Variants in IPO11 observed in about 807,000 individuals in gnomAD.
IPO11 encodes the protein importin-11.
A neutral mutation model predicts 143.2 loss-of-function variants in IPO11; 66 were observed. That is an observed-to-expected ratio of 0.46 (90% confidence interval 0.38 to 0.57). The LOEUF is 0.57. Ranked by LOEUF, IPO11 falls within the 20% of genes least tolerant of loss-of-function variation. The pLI, the probability that IPO11 is intolerant of heterozygous loss-of-function variation, is 0.00. For synonymous variants in IPO11, 385 were observed against 377.8 expected (o/e 1.02, Z -0.22); for missense variants, 1,026 against 1,141.0 (o/e 0.90, Z 1.45).
At chr5:62,436,751 A>G (rs1393317729) in intron 1 of IPO11, among the ~76,000 whole-genome samples, 1 of 152,148 alleles carries the variant, frequency 6.6e-6, no homozygotes. Flanking sequence ...TGATTTGGAG[A>G]TGCACCATTG....
Position 62,563,305 on chromosome 5 carries a change from G to A in IPO11, c.2582+2048G>A, listed in dbSNP as rs145594257. Among the ~76,000 whole-genome samples, 5 of 152,010 alleles carry A rather than the reference G, an allele frequency of 3.3e-5. No individual in the cohort carries two copies. The East Asian group carries it at 5.8e-4, about 18-fold the overall frequency. On this transcript the variant is annotated intron_variant, in intron 27 of 29. Transcript: ENST00000325324. ...TGCTTGTTAGATAAATTAATGAATG[G>A]AAAAAAATGAGTTAATAAGACATGT... is the stretch of plus-strand genomic sequence containing the variant.
chr5:62,625,082 A>G (rs1248261822), intron 29 of IPO11, among the ~76,000 whole-genome samples: 2 of 152,110 alleles, frequency 1.3e-5, no homozygotes, highest in Non-Finnish European at 2.9e-5. Context: ...TTGGGCATAT[A>G]GGCTTAAAAA....
intron 24 of IPO11, 65 bp from the exon 25 acceptor site, chr5:62,550,302 T>C: frequency 8.3e-7 from 1 of 1,208,580 alleles, no homozygotes; most frequent in South Asian, 1.3e-5. Flanking sequence ...ATTGTTTCCT[T>C]ACATGTGTTT....
chr5:62,501,392 AATATTAGACCT>A (rs1400351834), intron 16 of IPO11, among the ~76,000 whole-genome samples: 2 of 152,218 alleles, frequency 1.3e-5, no homozygotes, highest in Non-Finnish European at 2.9e-5. Context: ...GAGACATCAA[AATATTAGACCT>A]ATCTAAAACC....
chr5:62,581,008 T>C (rs1378361579), intron 27 of IPO11: 1 of 1,551,262 alleles, frequency 6.4e-7, no homozygotes, highest in Non-Finnish European at 8.7e-7. Flanking sequence ...AGTTGAGAAG[T>C]TGAATGAGGC....
chr5:62,620,315 T>G (rs560763646), intron 29 of IPO11, among the ~76,000 whole-genome samples: 1 of 152,062 alleles, frequency 6.6e-6, no homozygotes, highest in Non-Finnish European at 1.5e-5. Flanking sequence ...GTCAGGAGAT[T>G]GAGACCATTC....
At chr5:62,451,234 G>A (rs995750878) in intron 4 of IPO11, among the ~76,000 whole-genome samples, 1 of 152,106 alleles carries the variant, frequency 6.6e-6, no homozygotes, top group Non-Finnish European at 1.5e-5. Context: ...AGACCTTAAA[G>A]AGTTATATCT....
intron 19 of IPO11, among the ~76,000 whole-genome samples, chr5:62,514,237 A>C (rs1347509024): frequency 6.6e-6 from 1 of 152,102 alleles, no homozygotes; most frequent in Non-Finnish European, 1.5e-5. Context: ...GGGCCAAGGC[A>C]GGCGGCTGGG....
intron 5 of IPO11, among the ~76,000 whole-genome samples, chr5:62,456,911 G>A (rs532679355): frequency 2.6e-5 from 4 of 152,136 alleles, no homozygotes; most frequent in African/African-American, 9.6e-5. Flanking sequence ...GGCCAACATG[G>A]TGAAACCCCG....
rs570840966 is a variant in IPO11, at chr5:62,433,401, G to A, written c.-6-3873G>A. Among the ~76,000 whole-genome samples the A allele has an allele frequency of 4.6e-5, 7 of 152,188 alleles. No homozygotes were observed. In the South Asian group the frequency reaches 1.5e-3, roughly 32 times the overall value. The stretch of plus-strand genomic sequence containing the variant: ...AGGAGAATTTTTGTTTCCAACTGTA[G>A]GCACGTTCGTATATTGGTTCTGTGT... On this transcript the variant is annotated intron_variant, in intron 1 of 29. Coordinates refer to ENST00000325324, the MANE Select transcript of IPO11 (RefSeq NM_016338.5).
At chr5:62,549,143 T>C (rs1743311043) in intron 24 of IPO11, among the ~76,000 whole-genome samples, 2 of 152,172 alleles carry the variant, frequency 1.3e-5, no homozygotes, top group Non-Finnish European at 2.9e-5. Context: ...TAAAATTTTA[T>C]TGTTTCAAAT....
At position 62,608,645 on chromosome 5, in the gene IPO11, C is replaced by G. The variant is rs1745818106; in HGVS notation, c.2763+6797C>G. On this transcript the variant is annotated intron_variant, in intron 29 of 29. Transcript: ENST00000325324. The stretch of plus-strand genomic sequence containing the variant: ...CCCTTTTCTCCCCACTGAGTTTTCT[C>G]ATTTGCCATTTTAATTCCCATATAT... Among the ~76,000 whole-genome samples, 4 of 152,302 alleles carry G rather than the reference C, an allele frequency of 2.6e-5. No individual in the cohort carries two copies. In the South Asian group the frequency reaches 6.2e-4, roughly 24 times the overall value.
chr5:62,572,856 T>G (rs1329951976), intron 27 of IPO11, among the ~76,000 whole-genome samples: 1 of 152,210 alleles, frequency 6.6e-6, no homozygotes, highest in Non-Finnish European at 1.5e-5. Context: ...ATGCTGGGAT[T>G]GCAGGTGGGA....
intron 5 of IPO11, among the ~76,000 whole-genome samples, chr5:62,453,270 A>C (rs1302076943): frequency 1.3e-5 from 2 of 150,996 alleles, no homozygotes; most frequent in Admixed American, 1.3e-4. Flanking sequence ...TGAACTTAGC[A>C]TGTGGTCTTA....
chr5:62,516,668 A>G (rs1742031588), intron 20 of IPO11, among the ~76,000 whole-genome samples: 1 of 152,192 alleles, frequency 6.6e-6, no homozygotes, highest in Non-Finnish European at 1.5e-5. Context: ...TAGTAATGCA[A>G]AATATTTTTA....
At chr5:62,597,140 A>G (rs1000473921) in intron 28 of IPO11, among the ~76,000 whole-genome samples, 19 of 152,216 alleles carry the variant, frequency 1.2e-4, no homozygotes, top group African/African-American at 4.6e-4. Flanking sequence ...GCACATGCTC[A>G]TTATAACAGA....
At chr5:62,426,124 C>A (rs778348975) in intron 1 of IPO11, among the ~76,000 whole-genome samples, 1 of 152,150 alleles carries the variant, frequency 6.6e-6, no homozygotes, top group Admixed American at 6.5e-5. Flanking sequence ...TGGTGGCTCA[C>A]GTCTGTAATC....
intron 27 of IPO11, chr5:62,580,981 CTAATT>C: frequency 6.4e-7 from 1 of 1,551,144 alleles, no homozygotes; most frequent in Non-Finnish European, 8.7e-7. Context: ...GAAAACATCT[CTAATT>C]TGTACACAAG....
At chr5:62,460,963 T>C (rs1437788941) in intron 5 of IPO11, among the ~76,000 whole-genome samples, 1 of 152,224 alleles carries the variant, frequency 6.6e-6, no homozygotes, top group Non-Finnish European at 1.5e-5. Flanking sequence ...AATATATTAG[T>C]TGGCAATGGT....
Sources: gnomAD v4.1 joint callset for allele counts (sites outside exome capture counted in the v4.1 genomes callset) on GRCh38, gnomAD v4.1.1 for gene constraint, MANE v1.5 for transcripts, NCBI Gene and HGNC (gene_info 2026-07-23, HGNC 2026-07-21) for gene names.